CTNNA2: variants seen among roughly 807,000 people sequenced by gnomAD.
CTNNA2 encodes catenin alpha 2, also known as catenin alpha-2.
In CTNNA2, 42 loss-of-function variants were observed where a neutral mutation model predicts 101.0. The observed-to-expected ratio is 0.42, with a 90% confidence interval of 0.32 to 0.54. The LOEUF (loss-of-function observed/expected upper bound fraction) is 0.54, where lower values mean the gene tolerates loss of function less well. Ranked by LOEUF, CTNNA2 falls within the 20% of genes least tolerant of loss-of-function variation. The pLI, the probability that CTNNA2 is intolerant of heterozygous loss-of-function variation, is 0.14. For synonymous variants in CTNNA2, 450 were observed against 456.4 expected (o/e 0.99, Z 0.18); for missense variants, 871 against 1,223.1 (o/e 0.71, Z 4.29).
intron 7 of CTNNA2, among the ~76,000 whole-genome samples, chr2:80,244,209 T>C (rs78473231): frequency 0.014 from 2,136 of 152,352 alleles, 49 homozygotes; most frequent in African/African-American, 0.047. Context: ...GCCATTATTA[T>C]AAAGGAAGAA....
intron 3 of CTNNA2, among the ~76,000 whole-genome samples, chr2:79,755,361 G>A (rs559629488): frequency 3.3e-5 from 5 of 152,262 alleles, no homozygotes; most frequent in African/African-American, 1.2e-4. Context: ...AAGTGCATGT[G>A]TGCTAGATCC....
rs868425525 is a variant in CTNNA2, at chr2:79,729,460, G to A, written c.103-14927G>A. On this transcript the variant is annotated intron_variant, in intron 2 of 18. Transcript: ENST00000402739. ...TTGTTTCTGTCCCCTGACCCGTGCT[G>A]CTTCCTCTCACTGACATTTCACTCT... is the stretch of plus-strand genomic sequence containing the variant. Among the ~76,000 whole-genome samples the A allele has an allele frequency of 1.4e-3, 212 of 152,198 alleles. 2 individuals are homozygous for A. The highest frequency in any genetic ancestry group is 3.6e-3 in the African/African-American group (151 of 41,536).
At chr2:79,188,405 A>G (rs1026387732) in intron 1 of CTNNA2, among the ~76,000 whole-genome samples, 2 of 152,126 alleles carry the variant, frequency 1.3e-5, no homozygotes. Flanking sequence ...TCATGGTAGG[A>G]AGAGGCAGAA....
intron 7 of CTNNA2, among the ~76,000 whole-genome samples, chr2:80,041,576 T>C (rs1391538128): frequency 1.3e-5 from 2 of 152,210 alleles, no homozygotes; most frequent in African/African-American, 2.4e-5. Flanking sequence ...CTAATGCTAT[T>C]GCTGTTAATT....
At chr2:79,919,301 G>GA (rs1558641557) in intron 7 of CTNNA2, among the ~76,000 whole-genome samples, 1 of 152,124 alleles carries the variant, frequency 6.6e-6, no homozygotes, top group Admixed American at 6.5e-5. Flanking sequence ...TAACAGAATG[G>GA]AAAAAGAAAA....
At chr2:80,269,610 A>C (rs1419147979) in intron 7 of CTNNA2, among the ~76,000 whole-genome samples, 3 of 152,178 alleles carry the variant, frequency 2.0e-5, no homozygotes. Context: ...ATATGTTTCT[A>C]TCAATCCCAA....
intron 7 of CTNNA2, among the ~76,000 whole-genome samples, chr2:80,361,799 G>C (rs532465451): frequency 2.6e-5 from 4 of 152,216 alleles, no homozygotes; most frequent in African/African-American, 9.6e-5. Flanking sequence ...CATGAAGGTG[G>C]AAGAGAAAGA....
chr2:79,603,168 C>T (rs189787766), intron 1 of CTNNA2, among the ~76,000 whole-genome samples: 1 of 152,158 alleles, frequency 6.6e-6, no homozygotes, highest in Non-Finnish European at 1.5e-5. Context: ...AGAAAAGTTA[C>T]TGAGTAAATG....
chr2:79,728,897 G>A (rs60919878), intron 2 of CTNNA2, among the ~76,000 whole-genome samples: 4,365 of 152,072 alleles, frequency 0.029, 207 homozygotes, highest in African/African-American at 0.1. Flanking sequence ...GATATGCGGC[G>A]TTATTTTCTG....
chr2:79,414,326 G>A (rs1456777548), intron 4 of CTNNA2, among the ~76,000 whole-genome samples: 2 of 151,948 alleles, frequency 1.3e-5, no homozygotes, highest in East Asian at 1.9e-4. Context: ...AAGCTTATTA[G>A]ACTTATAGAC....
At chr2:80,048,894 G>A (rs1278487846) in intron 7 of CTNNA2, among the ~76,000 whole-genome samples, 10 of 152,166 alleles carry the variant, frequency 6.6e-5, no homozygotes, top group Admixed American at 6.5e-4. Flanking sequence ...AGGAACAGGT[G>A]TGATCAGGAA....
intron 4 of CTNNA2, among the ~76,000 whole-genome samples, chr2:79,483,837 AT>A (rs1671132699): frequency 6.6e-6 from 1 of 152,216 alleles, no homozygotes; most frequent in East Asian, 1.9e-4. Context: ...CTAATTCCAT[AT>A]TTTTGCAATT....
At chr2:80,396,247 C>A (rs567375229) in intron 8 of CTNNA2, among the ~76,000 whole-genome samples, 3 of 152,158 alleles carry the variant, frequency 2.0e-5, no homozygotes, top group Non-Finnish European at 4.4e-5. Context: ...CCAAAGGTAC[C>A]ATTTAAAACT....
intron 7 of CTNNA2, among the ~76,000 whole-genome samples, chr2:79,915,895 A>G (rs2916516): frequency 0.44 from 66,335 of 152,056 alleles, 14,699 homozygotes; most frequent in South Asian, 0.53. Context: ...AAAATCCCAG[A>G]GAAAGATCGA....
intron 7 of CTNNA2, among the ~76,000 whole-genome samples, chr2:80,244,794 C>T (rs1219040707): frequency 1.3e-5 from 2 of 152,134 alleles, no homozygotes; most frequent in Non-Finnish European, 2.9e-5. Flanking sequence ...TTACTTATCC[C>T]AGATCTAACC....
chr2:79,987,540 A>G lies in CTNNA2; in HGVS notation c.1056+77743A>G, dbSNP rs563938920. Among the ~76,000 whole-genome samples, 3 of 152,322 alleles carry G rather than the reference A, an allele frequency of 2.0e-5. 1 individual carries two copies. The South Asian group carries it at 6.2e-4, about 32-fold the overall frequency. On this transcript the variant is annotated intron_variant, in intron 7 of 18. Transcript: ENST00000402739. ...AACATGGCTGTGAGGAATGAAAACT[A>G]CTTTGACACATACTGGGACTTTAGT...
chr2:80,103,620 G>A (rs527616472), intron 7 of CTNNA2, among the ~76,000 whole-genome samples: 2 of 152,190 alleles, frequency 1.3e-5, no homozygotes, highest in Admixed American at 6.5e-5. Context: ...GCTTCTGTGT[G>A]TCTACTACCA....
intron 7 of CTNNA2, among the ~76,000 whole-genome samples, chr2:80,047,592 A>G (rs1271245887): frequency 7.9e-5 from 12 of 152,152 alleles, no homozygotes; most frequent in African/African-American, 2.9e-4. Context: ...AGAGCAGCCT[A>G]CATGGGCTCA....
At chr2:79,852,891 C>T (rs10199736) in intron 3 of CTNNA2, among the ~76,000 whole-genome samples, 38,397 of 151,824 alleles carry the variant, frequency 0.25, 5,133 homozygotes, top group Non-Finnish European at 0.3. Flanking sequence ...CGCACAGCCG[C>T]AGTTTAACCC....
Sources: gnomAD v4.1 joint callset for allele counts (sites outside exome capture counted in the v4.1 genomes callset) on GRCh38, gnomAD v4.1.1 for gene constraint, MANE v1.5 for transcripts, NCBI Gene and HGNC (gene_info 2026-07-23, HGNC 2026-07-21) for gene names.